The following ZNF800 variants were observed in gnomAD, a reference collection of about 807,000 sequenced individuals.
ZNF800 encodes zinc finger protein 800.
ZNF800 carries 13 observed loss-of-function variants against 59.5 expected under a neutral mutation model. The observed-to-expected ratio is 0.22, with a 90% CI of 0.14 to 0.35. ZNF800 has a LOEUF of 0.35. Among genes scored for constraint, ZNF800 ranks in the 10% least tolerant of loss-of-function variants. The pLI is 1.00. For missense variants in ZNF800, 621 were observed against 783.7 expected (o/e 0.79, Z 2.48); for synonymous variants, 266 against 265.7 (o/e 1.00, Z -0.01).
At chr7:127,345,358 T>A (rs977835609), downstream of ZNF800, among the ~76,000 whole-genome samples, 4 of 146,512 alleles carry the variant, frequency 2.7e-5, no homozygotes, top group African/African-American at 1.0e-4. Flanking sequence ...AGGATTAGAG[T>A]GATGAAGGAA....
At chr7:127,352,725 C>A (rs1366684881) in intron 1 of ZNF800, among the ~76,000 whole-genome samples, 1 of 152,144 alleles carries the variant, frequency 6.6e-6, no homozygotes, top group Non-Finnish European at 1.5e-5. Flanking sequence ...ACTATGAAGC[C>A]GGTTAAAGGG....
downstream of ZNF800, among the ~76,000 whole-genome samples, chr7:127,365,566 A>G (rs1253119847): frequency 1.3e-5 from 2 of 152,076 alleles, no homozygotes; most frequent in African/African-American, 4.8e-5. Flanking sequence ...AAACAAAACA[A>G]AACTGTCCTG....
chr7:127,362,911 T>A (rs184845528), intron 1 of ZNF800: 3 of 152,230 alleles, frequency 2.0e-5, no homozygotes, highest in Admixed American at 1.3e-4. Flanking sequence ...AAGAGACTAC[T>A]GCAATAGTGA....
At chr7:127,348,607 T>G (rs1800115574) in intron 1 of ZNF800, among the ~76,000 whole-genome samples, 1 of 152,280 alleles carries the variant, frequency 6.6e-6, no homozygotes, top group African/African-American at 2.4e-5. Context: ...TCCCCATTTG[T>G]ACCATGTGAG....
At chr7:127,345,234 T>C (rs1800036043), downstream of ZNF800, among the ~76,000 whole-genome samples, 1 of 152,178 alleles carries the variant, frequency 6.6e-6, no homozygotes, top group African/African-American at 2.4e-5. Flanking sequence ...GAATACAATG[T>C]TGAAGAATCT....
downstream of ZNF800, among the ~76,000 whole-genome samples, chr7:127,346,162 G>A (rs934513056): frequency 1.3e-5 from 2 of 152,274 alleles, no homozygotes; most frequent in South Asian, 2.1e-4. Context: ...GGATCTTGTG[G>A]TGACAAGATG....
At chr7:127,344,056 T>C (rs746736562), downstream of ZNF800, among the ~76,000 whole-genome samples, 45 of 152,116 alleles carry the variant, frequency 3.0e-4, no homozygotes, top group Non-Finnish European at 5.0e-4. Context: ...AAATCAGGAA[T>C]AAGGGCAAAG....
intron 2 of ZNF800, among the ~76,000 whole-genome samples, chr7:127,386,896 T>C (rs1801150984): frequency 6.6e-6 from 1 of 152,108 alleles, no homozygotes; most frequent in Non-Finnish European, 1.5e-5. Context: ...TTTACATTAA[T>C]ACATTGGTAG....
intron 2 of ZNF800, among the ~76,000 whole-genome samples, chr7:127,386,762 G>A (rs1340418976): frequency 6.6e-6 from 1 of 152,152 alleles, no homozygotes. Context: ...AATAAACTGT[G>A]AAATGTCCAT....
chr7:127,371,522 T>C lies in ZNF800; in HGVS notation c.*292A>G, dbSNP rs1335421586. 3.5e-6 allele frequency: 1 copy of C among 287,832 alleles called. No individual in the cohort carries two copies. The highest frequency in any genetic ancestry group is 2.2e-5 in the African/African-American group (1 of 46,142). 17.8% of individuals were successfully genotyped at this position (287,832 alleles called of 1,614,324 possible). A position where few individuals can be genotyped will look rare whatever the true frequency, so the allele number is the denominator to read the frequency against. On this transcript the variant is annotated 3_prime_UTR_variant, in exon 6 of 6. Coordinates refer to ENST00000265827, the MANE Select transcript of ZNF800 (RefSeq NM_176814.5). The stretch of plus-strand genomic sequence containing the variant: ...TTAGAAAACAAAATTTGTAACATTT[T>C]TGTAGAAACTGTCGACCAAATGCAC...
intron 2 of ZNF800, among the ~76,000 whole-genome samples, chr7:127,387,917 AACACACAC>A (rs141731563): frequency 8.5e-4 from 126 of 147,804 alleles, no homozygotes; most frequent in Admixed American, 2.4e-3. Context: ...ATTAATTAAG[AACACACAC>A]ACACACACAC....
In ZNF800 at chr7:127,392,071, G is replaced by A. The variant is rs1483423724; in HGVS notation, c.-70C>T. On this transcript the variant is annotated 5_prime_UTR_variant, in exon 1 of 6. Coordinates refer to ENST00000265827, the MANE Select transcript of ZNF800 (RefSeq NM_176814.5). ...TGCGCCCAACTTACTCAACTCTTAG[G>A]GCGGGCCGGCGGGCGGGCGGAAGGA... The A allele has an allele frequency of 2.6e-6, 1 of 390,754 alleles. No homozygotes were observed. The highest frequency in any genetic ancestry group is 4.5e-6 in the Non-Finnish European group (1 of 221,226). 24.2% of individuals were successfully genotyped at this position (390,754 alleles called of 1,614,324 possible). A position where few individuals can be genotyped will look rare whatever the true frequency, so the allele number is the denominator to read the frequency against.
At chr7:127,350,037 G>A (rs992093878) in intron 1 of ZNF800, 40 of 152,178 alleles carry the variant, frequency 2.6e-4, no homozygotes, top group African/African-American at 9.4e-4. Context: ...AGATGCGGGG[G>A]ATAACCTGAA....
chr7:127,392,435 C>A lies in ZNF800; in HGVS notation c.-434G>T. 2.7e-6 allele frequency: 1 copy of A among 374,878 alleles called. No homozygotes were observed. The highest frequency in any genetic ancestry group is 4.7e-6 in the Non-Finnish European group (1 of 211,008). The allele number at this position is 374,878 out of a possible 1,614,324, so 23.2% of individuals were successfully genotyped here. A position where few individuals can be genotyped will look rare whatever the true frequency, so the allele number is the denominator to read the frequency against. Reference sequence around the variant, plus strand: ...GGAGCGGGCAGGACCTGAGGCTTCCCTCGCCGGGGCAACGGCTGCCGCCGC... The same window carrying A: ...GGAGCGGGCAGGACCTGAGGCTTCCATCGCCGGGGCAACGGCTGCCGCCGC... On this transcript the variant is annotated 5_prime_UTR_variant, in exon 1 of 6. It adds an upstream start codon to the 5' untranslated region. Transcript: ENST00000265827.
intron 2 of ZNF800, 91 bp from the exon 3 acceptor site, chr7:127,386,246 A>G (rs1359736919): frequency 5.6e-6 from 4 of 718,034 alleles, no homozygotes; most frequent in African/African-American, 1.8e-5. Context: ...GCTTTCTACA[A>G]TTACATTAAG....
chr7:127,368,205 T>C (rs1281510531), downstream of ZNF800, among the ~76,000 whole-genome samples: 1 of 152,126 alleles, frequency 6.6e-6, no homozygotes, highest in African/African-American at 2.4e-5. Flanking sequence ...GAAATGAATT[T>C]GGAAAGTTAG....
chr7:127,389,521 G>T (rs942236659), intron 2 of ZNF800, among the ~76,000 whole-genome samples: 1 of 152,056 alleles, frequency 6.6e-6, no homozygotes, highest in Non-Finnish European at 1.5e-5. Context: ...CTGTGGACAT[G>T]ATCTTTTAAA....
chr7:127,386,081 T>C lies in ZNF800; in HGVS notation c.136A>G (p.Ile46Val), dbSNP rs1183296049. 1.2e-6 allele frequency: 2 copies of C among 1,611,690 alleles called. No homozygotes were observed. The highest frequency in any genetic ancestry group is 2.2e-5 in the East Asian group (1 of 44,770). Reference protein sequence around the residue: ...LQTSKSGIQQIIECFRSGTKQ... With the variant: ...LQTSKSGIQQVIECFRSGTKQ... Reference sequence around the variant, plus strand: ...ATACCTGATCGAAAGCACTCAATTATTTGTTGAATACCAGATTTGGATGTC... The same window carrying C: ...ATACCTGATCGAAAGCACTCAATTACTTGTTGAATACCAGATTTGGATGTC... Residue 46 changes from isoleucine (I) to valine (V), a missense_variant, in exon 3 of 6, where the codon ATA (isoleucine) becomes GTA (valine). Coordinates refer to ENST00000265827, the MANE Select transcript of ZNF800 (RefSeq NM_176814.5).
chr7:127,350,586 A>G (rs1170048863), intron 1 of ZNF800: 1 of 152,244 alleles, frequency 6.6e-6, no homozygotes, highest in African/African-American at 2.4e-5. Flanking sequence ...TGGCCTGCAC[A>G]CTGTAACACC....
Sources: gnomAD v4.1 joint callset for allele counts (sites outside exome capture counted in the v4.1 genomes callset) on GRCh38, gnomAD v4.1.1 for gene constraint, MANE v1.5 for transcripts, NCBI Gene and HGNC (gene_info 2026-07-23, HGNC 2026-07-21) for gene names.